CLUAP1: variants seen among roughly 807,000 people sequenced by gnomAD.
The protein encoded by CLUAP1 is clusterin-associated protein 1.
Under a neutral mutation model 55.0 loss-of-function variants are expected in CLUAP1, and 50 were observed. The observed-to-expected ratio is 0.91, with a 90% CI of 0.72 to 1.15. The LOEUF (loss-of-function observed/expected upper bound fraction) is 1.15, where lower values mean the gene tolerates loss of function less well. Ranked by LOEUF, CLUAP1 falls within the 50% of genes most tolerant of loss-of-function variation. CLUAP1 has a pLI of 0.00. For missense variants in CLUAP1, 530 were observed against 507.6 expected (o/e 1.04, Z -0.42); for synonymous variants, 195 against 175.4 (o/e 1.11, Z -0.88).
chr16:3,510,242 C>T (rs1474082729), intron 4 of CLUAP1, among the ~76,000 whole-genome samples: 1 of 152,142 alleles, frequency 6.6e-6, no homozygotes, highest in Admixed American at 6.5e-5. Context: ...GATCTGCCCG[C>T]CTCAGCCTCC....
At chr16:3,530,517 G>T (rs763624250) in intron 9 of CLUAP1, 51 bp from the exon 10 acceptor site, 1 of 1,354,070 alleles carries the variant, frequency 7.4e-7, no homozygotes, top group Admixed American at 1.7e-5. Context: ...GAGCTGTTTC[G>T]TTGTGATCAT....
At position 3,530,737 on chromosome 16, in the gene CLUAP1, G is replaced by A. The variant is rs367733823; in HGVS notation, c.1036+62G>A. On this transcript the variant is annotated intron_variant, in intron 10 of 11. Transcript: ENST00000576634. ...CCCTGTTTCACAGAACACCTGGCCA[G>A]GACTGGGGCAGGCTGCTTAGTATTG... The A allele has an allele frequency of 6.5e-5, 86 of 1,330,828 alleles. No homozygotes were observed. The African/African-American group carries it at 1.1e-3, about 16-fold the overall frequency. The allele number at this position is 1,330,828 out of a possible 1,614,324, so 82.4% of individuals were successfully genotyped here. A position where few individuals can be genotyped will look rare whatever the true frequency, so the allele number is the denominator to read the frequency against.
intron 4 of CLUAP1, among the ~76,000 whole-genome samples, chr16:3,509,615 G>T (rs1318076021): frequency 6.6e-6 from 1 of 152,188 alleles, no homozygotes; most frequent in African/African-American, 2.4e-5. Flanking sequence ...TTACTCTGAG[G>T]CCCAAGGCCT....
At chr16:3,533,792 T>A (rs1156760674) in intron 11 of CLUAP1, 2 of 152,784 alleles carry the variant, frequency 1.3e-5, no homozygotes, top group Non-Finnish European at 2.9e-5. Context: ...GAAAATAATT[T>A]TCCTAACAAG....
At chr16:3,534,263 T>G (rs576292696) in intron 11 of CLUAP1, 108 of 152,816 alleles carry the variant, frequency 7.1e-4, no homozygotes, top group Non-Finnish European at 1.4e-3. Flanking sequence ...GGTGGCGTCT[T>G]CTGCGAGGTC....
At chr16:3,502,264 G>A (rs780507942) in intron 1 of CLUAP1, among the ~76,000 whole-genome samples, 1 of 151,908 alleles carries the variant, frequency 6.6e-6, no homozygotes, top group Non-Finnish European at 1.5e-5. Context: ...CTAACATGGC[G>A]AAACCCTGCC....
chr16:3,501,235 C>G (rs2037393155), intron 1 of CLUAP1, 146 bp downstream of exon 1: 1 of 806,866 alleles, frequency 1.2e-6, no homozygotes, highest in South Asian at 1.7e-5. Context: ...CCGCCTGACC[C>G]GCGGCTGCAA....
chr16:3,517,355 G>A (rs1316295621), intron 6 of CLUAP1, among the ~76,000 whole-genome samples: 1 of 152,100 alleles, frequency 6.6e-6, no homozygotes, highest in Non-Finnish European at 1.5e-5. Flanking sequence ...CACCCAGGCT[G>A]AAGTGCAGTA....
chr16:3,524,026 C>T (rs1305780356), intron 8 of CLUAP1, among the ~76,000 whole-genome samples: 2 of 152,062 alleles, frequency 1.3e-5, no homozygotes, highest in Admixed American at 6.5e-5. Flanking sequence ...AGGCAAGGTG[C>T]GATGGCTTAT....
At chr16:3,527,231 G>T (rs988271541) in intron 9 of CLUAP1, among the ~76,000 whole-genome samples, 5 of 152,034 alleles carry the variant, frequency 3.3e-5, no homozygotes, top group African/African-American at 1.2e-4. Flanking sequence ...GATTATATAT[G>T]AATATCATTA....
intron 11 of CLUAP1, chr16:3,533,913 TC>T (rs2038179734): frequency 6.6e-6 from 1 of 152,190 alleles, no homozygotes; most frequent in African/African-American, 2.4e-5. Flanking sequence ...CTGCCTCTTC[TC>T]CAGGGTTTGC....
chr16:3,531,271 A>G (rs1385249833), intron 10 of CLUAP1, among the ~76,000 whole-genome samples: 1 of 152,240 alleles, frequency 6.6e-6, no homozygotes, highest in Admixed American at 6.5e-5. Context: ...CTGTAATCCC[A>G]GCACTTTGGG....
chr16:3,496,730 C>A, upstream of CLUAP1: 2 of 528,482 alleles, frequency 3.8e-6, no homozygotes, highest in Non-Finnish European at 3.8e-6. Context: ...GAAGTTCGAG[C>A]GCGCCAGAGG....
intron 6 of CLUAP1, 64 bp downstream of exon 6, chr16:3,515,655 G>C: frequency 1.7e-6 from 2 of 1,148,526 alleles, no homozygotes; most frequent in Non-Finnish European, 2.5e-6. Context: ...CTGATTTCTT[G>C]CCCATACAAG....
At chr16:3,512,555 TC>T (rs2037650395) in intron 5 of CLUAP1, 77 bp downstream of exon 5, 1 of 1,140,922 alleles carries the variant, frequency 8.8e-7, no homozygotes, top group Middle Eastern at 2.0e-4. Context: ...TTCTCCCTTT[TC>T]AGTTCTGATT....
In CLUAP1 at chr16:3,508,302, A is replaced by G; in HGVS notation, c.233A>G (p.His78Arg). 1.3e-6 allele frequency: 2 copies of G among 1,598,502 alleles called. No individual in the cohort carries two copies. The highest frequency in any genetic ancestry group is 1.7e-6 in the Non-Finnish European group (2 of 1,176,186). The change falls in exon 4 of 12, where the codon CAT becomes CGT. Residue 78 changes from histidine (H) to arginine (R), a missense_variant. Coordinates refer to ENST00000576634, the MANE Select transcript of CLUAP1 (RefSeq NM_015041.3). ...GTCTAAAAATAGGCCACCAAGGCAC[A>G]TATAAAACTCAACACTAAGAAGCTT... ...AIAQFMATKA[H>R]IKLNTKKLYQ...
intron 4 of CLUAP1, among the ~76,000 whole-genome samples, chr16:3,509,318 T>C (rs981254794): frequency 6.6e-6 from 1 of 152,194 alleles, no homozygotes; most frequent in Non-Finnish European, 1.5e-5. Flanking sequence ...AGGGTTGGGA[T>C]TGACAGACCC....
intron 11 of CLUAP1, 171 bp downstream of exon 11, chr16:3,533,012 C>G: frequency 1.5e-6 from 2 of 1,378,636 alleles, no homozygotes; most frequent in South Asian, 1.2e-5. Context: ...CTTCGTTGCT[C>G]GTGGATGGCT....
chr16:3,495,677 A>C, the CLUAP1 span, among the ~76,000 whole-genome samples: 1 of 152,250 alleles, frequency 6.6e-6, no homozygotes, highest in African/African-American at 2.4e-5. Flanking sequence ...GGGTCAGGCC[A>C]CATAAAACAG....
Sources: gnomAD v4.1 joint callset for allele counts (sites outside exome capture counted in the v4.1 genomes callset) on GRCh38, gnomAD v4.1.1 for gene constraint, MANE v1.5 for transcripts, NCBI Gene and HGNC (gene_info 2026-07-23, HGNC 2026-07-21) for gene names.